Variants in MAP3K15 observed in about 807,000 individuals in gnomAD.
The protein encoded by MAP3K15 is mitogen-activated protein kinase kinase kinase 15.
Under a neutral mutation model 99.5 loss-of-function variants are expected in MAP3K15, and 124 were observed. That is an observed-to-expected ratio of 1.25 (90% confidence interval 1.08 to 1.45). The LOEUF (loss-of-function observed/expected upper bound fraction) is 1.45. Ranked by LOEUF, MAP3K15 falls within the 40% of genes most tolerant of loss-of-function variation. MAP3K15 has a pLI of 0.00. For missense variants in MAP3K15, 1,242 were observed against 1,079.7 expected (o/e 1.15, Z -2.11); for synonymous variants, 494 against 439.6 (o/e 1.12, Z -1.55).
intron 9 of MAP3K15, among the ~76,000 whole-genome samples, chrX:19,418,188 C>T (rs757497250): frequency 1.4e-3 from 159 of 111,940 alleles, no homozygotes; most frequent in South Asian, 8.1e-3. Flanking sequence ...CAAAGCTGGA[C>T]GGAGAATGAC....
At chrX:19,379,743 A>G (rs945479081) in intron 19 of MAP3K15, among the ~76,000 whole-genome samples, 2 of 111,314 alleles carry the variant, frequency 1.8e-5, no homozygotes, top group Non-Finnish European at 3.8e-5. Context: ...CGCCCGGCCT[A>G]TATTTTCCTT....
At chrX:19,510,400 T>C (rs1408855425) in intron 1 of MAP3K15, among the ~76,000 whole-genome samples, 1 of 111,737 alleles carries the variant, frequency 8.9e-6, no homozygotes, top group African/African-American at 3.3e-5. Context: ...CATACGCAAA[T>C]CAACAAACAT....
chrX:19,463,981 A>C (rs544355310), intron 4 of MAP3K15, among the ~76,000 whole-genome samples: 2 of 111,311 alleles, frequency 1.8e-5, no homozygotes, highest in South Asian at 7.7e-4. Context: ...AAGAGAAGTT[A>C]CATGTCAAGA....
rs1463076728 is a variant in MAP3K15, at chrX:19,425,680, C to T, written c.1290G>A (p.Leu430=). Reference sequence around the variant, plus strand: ...TCCCTTTTCTTCCCAACAAACTGTTCAGCCGGACACCTTAAGAATTTGAAT... The same window carrying T: ...TCCCTTTTCTTCCCAACAAACTGTTTAGCCGGACACCTTAAGAATTTGAAT... The part of the protein sequence containing the change: ...SLELRKIGVR[L]NSLLGRKGSL... Residue 430 remains leucine, a synonymous_variant, in exon 9 of 29, where the codon CTG becomes CTA. Transcript: ENST00000338883. The T allele has an allele frequency of 1.7e-6, 2 of 1,191,641 alleles. No homozygotes were observed. Among genetic ancestry groups the T allele is most frequent in the South Asian group, 3.6e-5 (2 of 55,311 alleles).
At chrX:19,509,303 A>G (rs2064501828) in intron 1 of MAP3K15, among the ~76,000 whole-genome samples, 2 of 111,910 alleles carry the variant, frequency 1.8e-5, no homozygotes, top group Admixed American at 1.9e-4. Context: ...CATTCTTCTT[A>G]GCGCCACATA....
At chrX:19,398,615 T>G (rs1199369943) in intron 14 of MAP3K15, among the ~76,000 whole-genome samples, 2 of 111,733 alleles carry the variant, frequency 1.8e-5, no homozygotes, top group Non-Finnish European at 3.8e-5. Flanking sequence ...TGCATATAAT[T>G]GGCTCACCTT....
At chrX:19,495,928 C>A (rs1252334993) in intron 1 of MAP3K15, among the ~76,000 whole-genome samples, 1 of 111,035 alleles carries the variant, frequency 9.0e-6, no homozygotes, top group Non-Finnish European at 1.9e-5. Flanking sequence ...TGCACTCCAG[C>A]TTAGGTGACA....
intron 25 of MAP3K15, among the ~76,000 whole-genome samples, chrX:19,363,650 G>GTT (rs1569197843): frequency 1.0e-5 from 1 of 96,339 alleles, no homozygotes; most frequent in African/African-American, 5.2e-5. Context: ...TTCTTATTTT[G>GTT]TTTTTGTTTT....
Position 19,360,652 on chromosome X carries a change from A to T in MAP3K15, c.*97T>A. Reference sequence around the variant, plus strand: ...ATTAATTGAACAATGGCATTTTTAAATATGTAAACACAGCGGAATTCGTGT... The same window carrying T: ...ATTAATTGAACAATGGCATTTTTAATTATGTAAACACAGCGGAATTCGTGT... On this transcript the variant is annotated 3_prime_UTR_variant, in exon 29 of 29. Transcript: ENST00000338883. The T allele has an allele frequency of 1.6e-6, 1 of 625,550 alleles. No homozygotes were observed. Among genetic ancestry groups the T allele is most frequent in the Non-Finnish European group, 2.6e-6 (1 of 391,384 alleles). The allele number at this position is 625,550 out of a possible 1,213,427, so 51.6% of individuals were successfully genotyped here. A position where few individuals can be genotyped will look rare whatever the true frequency, so the allele number is the denominator to read the frequency against.
Position 19,413,339 on chromosome X carries a change from G to C in MAP3K15, c.1698+18C>G. 1 of 1,142,400 alleles carries C rather than the reference G, an allele frequency of 8.8e-7. No individual in the cohort carries two copies. The highest frequency in any genetic ancestry group is 1.2e-6 in the Non-Finnish European group (1 of 838,162). 94.1% of individuals were successfully genotyped at this position (1,142,400 alleles called of 1,213,427 possible). A position where few individuals can be genotyped will look rare whatever the true frequency, so the allele number is the denominator to read the frequency against. On this transcript the variant is annotated intron_variant, in intron 11 of 28. Transcript: ENST00000338883. Reference sequence around the variant, plus strand: ...TATTTGAAAACTGATTAAATTGCTTGTGATTTTTCCTCCTTACCATTTCTG... The same window carrying C: ...TATTTGAAAACTGATTAAATTGCTTCTGATTTTTCCTCCTTACCATTTCTG...
chrX:19,485,887 G>T (rs2064321874), intron 3 of MAP3K15, among the ~76,000 whole-genome samples: 1 of 111,333 alleles, frequency 9.0e-6, no homozygotes, highest in Admixed American at 9.6e-5. Flanking sequence ...CCAAGGCCAA[G>T]ATCCTTTTAA....
At chrX:19,386,400 G>T (rs964437712) in intron 18 of MAP3K15, among the ~76,000 whole-genome samples, 6 of 111,664 alleles carry the variant, frequency 5.4e-5, no homozygotes, top group African/African-American at 1.3e-4. Context: ...AGGTTGTACT[G>T]AGCCATGAAC....
intron 1 of MAP3K15, among the ~76,000 whole-genome samples, chrX:19,495,275 G>C (rs887552908): frequency 2.7e-5 from 3 of 112,303 alleles, no homozygotes; most frequent in Non-Finnish European, 5.6e-5. Context: ...GCCTCCCAAA[G>C]TGCTGGGATT....
intron 2 of MAP3K15, 45 bp from the exon 3 acceptor site, chrX:19,486,550 C>G (rs183777301): frequency 1.4e-6 from 1 of 706,961 alleles, no homozygotes; most frequent in East Asian, 4.0e-5. Context: ...TGTAAAACAG[C>G]TAATTTCCAT....
rs776972803 is a variant in MAP3K15, at chrX:19,386,185, G to A, written c.2431+5817C>T. ...AATCTGGCTCTCATAGGCCAGGCAC[G>A]GTGGCTCACACCTGAATCTCAGCAC... is the stretch of plus-strand genomic sequence containing the variant. On this transcript the variant is annotated intron_variant, in intron 18 of 28. Coordinates refer to ENST00000338883, the MANE Select transcript of MAP3K15 (RefSeq NM_001001671.4). Among the ~76,000 whole-genome samples, 8 of 111,589 alleles carry A rather than the reference G, an allele frequency of 7.2e-5. No individual in the cohort carries two copies. The East Asian group carries it at 8.5e-4, about 12-fold the overall frequency.
intron 3 of MAP3K15, among the ~76,000 whole-genome samples, chrX:19,476,378 T>C (rs1258480856): frequency 2.7e-5 from 3 of 111,803 alleles, no homozygotes; most frequent in Non-Finnish European, 5.6e-5. Flanking sequence ...ACACAGAAGA[T>C]TGTTCCCAGG....
At chrX:19,361,619 T>C (rs1480029163) in intron 26 of MAP3K15, 26 bp from the exon 27 acceptor site, 1 of 1,048,544 alleles carries the variant, frequency 9.5e-7, no homozygotes, top group Non-Finnish European at 1.3e-6. Context: ...ATTTGTTATA[T>C]ATTAGTCTAA....
intron 19 of MAP3K15, among the ~76,000 whole-genome samples, chrX:19,376,598 A>C (rs2147223330): frequency 9.0e-6 from 1 of 110,943 alleles, no homozygotes; most frequent in African/African-American, 3.3e-5. Context: ...GGTGTGCACC[A>C]CCACATGGGC....
At position 19,431,371 on chromosome X, in the gene MAP3K15, T is replaced by A. The variant is rs1253082853; in HGVS notation, c.1166+67A>T. 14 of 1,045,906 alleles carry A rather than the reference T, an allele frequency of 1.3e-5. No homozygotes were observed. The Admixed American group carries it at 2.7e-4, about 20-fold the overall frequency. 86.2% of individuals were successfully genotyped at this position (1,045,906 alleles called of 1,213,427 possible). A position where few individuals can be genotyped will look rare whatever the true frequency, so the allele number is the denominator to read the frequency against. Reference sequence around the variant, plus strand: ...CATATACATAAGGAAGAGATGCACATCCTTAGCCTATGCGATTCTGTTCCT... The same window carrying A: ...CATATACATAAGGAAGAGATGCACAACCTTAGCCTATGCGATTCTGTTCCT... On this transcript the variant is annotated intron_variant, in intron 7 of 28. Transcript: ENST00000338883.
Sources: gnomAD v4.1 joint callset for allele counts (sites outside exome capture counted in the v4.1 genomes callset) on GRCh38, gnomAD v4.1.1 for gene constraint, MANE v1.5 for transcripts, NCBI Gene and HGNC (gene_info 2026-07-23, HGNC 2026-07-21) for gene names.